Variants in TBC1D5 observed in about 807,000 individuals in gnomAD.
The protein encoded by TBC1D5 is TBC1 domain family member 5.
In TBC1D5, 75 loss-of-function variants were observed where a neutral mutation model predicts 100.3. That is an observed-to-expected ratio of 0.75 (90% CI 0.62 to 0.91). The LOEUF (loss-of-function observed/expected upper bound fraction) is 0.91. Among genes scored for constraint, TBC1D5 ranks in the 40% least tolerant of loss-of-function variants. The pLI is 0.00. For synonymous variants in TBC1D5, 323 were observed against 325.6 expected (o/e 0.99, Z 0.09); for missense variants, 910 against 942.4 (o/e 0.97, Z 0.45).
chr3:17,598,001 C>T (rs961505829), intron 2 of TBC1D5, among the ~76,000 whole-genome samples: 2 of 109,058 alleles, frequency 1.8e-5, no homozygotes, highest in African/African-American at 7.0e-5. Context: ...CCATTCCCTG[C>T]CCCCCCGCCC....
intron 1 of TBC1D5, among the ~76,000 whole-genome samples, chr3:17,732,789 T>A (rs1274033905): frequency 6.6e-6 from 1 of 152,130 alleles, no homozygotes; most frequent in Non-Finnish European, 1.5e-5. Context: ...TTTGTCTTTA[T>A]GAAGTATCTG....
intron 1 of TBC1D5, among the ~76,000 whole-genome samples, chr3:17,696,524 C>T (rs2072114932): frequency 6.6e-6 from 1 of 152,126 alleles, no homozygotes; most frequent in Non-Finnish European, 1.5e-5. Flanking sequence ...TTCCTGGATA[C>T]ATACAAGACT....
chr3:17,695,626 T>C (rs542857082), intron 1 of TBC1D5, among the ~76,000 whole-genome samples: 23 of 152,280 alleles, frequency 1.5e-4, no homozygotes, highest in Non-Finnish European at 2.4e-4. Context: ...CAAAGAGACT[T>C]AGACTCCCAC....
chr3:17,390,641 C>T (rs180848923), intron 8 of TBC1D5, among the ~76,000 whole-genome samples: 8 of 152,090 alleles, frequency 5.3e-5, no homozygotes, highest in East Asian at 3.9e-4. Flanking sequence ...ATTTCAAAAA[C>T]GGAAAATCAA....
At chr3:17,523,288 G>T (rs1042861758) in intron 2 of TBC1D5, among the ~76,000 whole-genome samples, 2 of 152,158 alleles carry the variant, frequency 1.3e-5, no homozygotes, top group African/African-American at 4.8e-5. Flanking sequence ...ATGTACAATG[G>T]CATGGGGAAA....
At chr3:17,369,793 A>G (rs1254649965) in intron 13 of TBC1D5, among the ~76,000 whole-genome samples, 2 of 152,178 alleles carry the variant, frequency 1.3e-5, no homozygotes, top group African/African-American at 2.4e-5. Context: ...TAATAACAAA[A>G]CCAAATTAAT....
intron 15 of TBC1D5, among the ~76,000 whole-genome samples, chr3:17,285,219 A>G (rs1362315806): frequency 6.6e-6 from 1 of 150,902 alleles, no homozygotes; most frequent in Non-Finnish European, 1.5e-5. Context: ...CATCATCCTC[A>G]AAGAGTCACT....
intron 2 of TBC1D5, among the ~76,000 whole-genome samples, chr3:17,531,738 G>T (rs2153383766): frequency 6.6e-6 from 1 of 152,278 alleles, no homozygotes; most frequent in African/African-American, 2.4e-5. Flanking sequence ...ATGGGGAAAG[G>T]ATTCCCTATT....
chr3:17,734,974 T>C (rs1560585058), intron 1 of TBC1D5, among the ~76,000 whole-genome samples: 1 of 151,642 alleles, frequency 6.6e-6, no homozygotes, highest in Non-Finnish European at 1.5e-5. Flanking sequence ...GTGCCTGTGG[T>C]CTCAGCTACT....
intron 2 of TBC1D5, among the ~76,000 whole-genome samples, chr3:17,600,795 C>T (rs1210559656): frequency 6.6e-6 from 1 of 152,064 alleles, no homozygotes; most frequent in African/African-American, 2.4e-5. Context: ...CAAAATAAGG[C>T]ACCTAGCCCT....
Position 17,403,162 on chromosome 3 carries a change from T to C in TBC1D5, c.509+19A>G. The C allele has an allele frequency of 1.3e-6, 2 of 1,552,062 alleles. No individual in the cohort carries two copies. Among genetic ancestry groups the C allele is most frequent in the East Asian group, 2.3e-5 (1 of 43,410 alleles). On this transcript the variant is annotated intron_variant, in intron 8 of 21. Coordinates refer to ENST00000253692, the Ensembl canonical transcript of TBC1D5. Reference sequence around the variant, plus strand: ...ACAATTTGAATTATTGAAAGTAACATGTAAATAGTTCTACATACGTTCTTT... The same window carrying C: ...ACAATTTGAATTATTGAAAGTAACACGTAAATAGTTCTACATACGTTCTTT...
chr3:17,178,191 G>T (rs2068026508), intron 19 of TBC1D5, among the ~76,000 whole-genome samples: 2 of 150,856 alleles, frequency 1.3e-5, no homozygotes, highest in Non-Finnish European at 2.9e-5. Flanking sequence ...TCAGCCTCCT[G>T]AGTAGCTGGG....
At chr3:17,166,639 C>A in intron 21 of TBC1D5, 128 bp downstream of exon 22, 3 of 1,299,512 alleles carry the variant, frequency 2.3e-6, no homozygotes, top group Non-Finnish European at 3.1e-6. Flanking sequence ...GTACACAGCA[C>A]CTCCGCAGTT....
intron 15 of TBC1D5, among the ~76,000 whole-genome samples, chr3:17,289,360 T>C (rs1280020927): frequency 6.6e-6 from 1 of 151,912 alleles, no homozygotes; most frequent in Non-Finnish European, 1.5e-5. Context: ...TGGGTGGGAA[T>C]GTTGCCTTCT....
rs78365517 is a variant in TBC1D5, at chr3:17,387,451, C to T, written c.510-3436G>A. Among the ~76,000 whole-genome samples the T allele has an allele frequency of 5.9e-4, 90 of 152,042 alleles. 1 individual carries two copies. The East Asian group carries it at 0.014, about 24-fold the overall frequency. On this transcript the variant is annotated intron_variant, in intron 8 of 21. Transcript: ENST00000253692. ...CTAGCTCTGAAGGTTGATGAATATA[C>T]CTAGACAATAACATAGTTCCTACAA...
At chr3:17,313,027 A>G (rs2084229312) in intron 13 of TBC1D5, among the ~76,000 whole-genome samples, 1 of 152,222 alleles carries the variant, frequency 6.6e-6, no homozygotes. Flanking sequence ...TAACTTTAGC[A>G]TATATAATTT....
rs140005132 is a variant in TBC1D5, at chr3:17,389,386, TTGAG to T, written c.510-5375_510-5372del. ...ATGAAAGAGTCTGACTCTCTTCCCTTTGAGTATGTGCTGCCCTTAGTGACCAGTT... is the reference window on the plus strand; with the variant it reads ...ATGAAAGAGTCTGACTCTCTTCCCTTTATGTGCTGCCCTTAGTGACCAGTT... On this transcript the variant is annotated intron_variant, in intron 8 of 21. Coordinates refer to ENST00000253692, the Ensembl canonical transcript of TBC1D5. Among the ~76,000 whole-genome samples, 519 of 152,254 alleles carry T rather than the reference TTGAG, an allele frequency of 3.4e-3. 2 individuals are homozygous for T. The highest frequency in any genetic ancestry group is 0.012 in the African/African-American group (505 of 41,550).
chr3:17,496,448 GCACACACACACACGCACACACA>G (rs1352239386), intron 3 of TBC1D5, among the ~76,000 whole-genome samples: 1 of 150,748 alleles, frequency 6.6e-6, no homozygotes, highest in Non-Finnish European at 1.5e-5. Context: ...ATACATACAT[GCACACACACACACGCACACACA>G]CACACACAAA....
chr3:17,366,321 C>T, intron 13 of TBC1D5, among the ~76,000 whole-genome samples: 1 of 151,440 alleles, frequency 6.6e-6, no homozygotes, highest in Admixed American at 6.6e-5. Context: ...AACAAAAAAA[C>T]AAAAAACAAA....
Sources: gnomAD v4.1 joint callset for allele counts (sites outside exome capture counted in the v4.1 genomes callset) on GRCh38, gnomAD v4.1.1 for gene constraint, MANE v1.5 for transcripts, NCBI Gene and HGNC (gene_info 2026-07-23, HGNC 2026-07-21) for gene names.